The following DBF4 variants were observed in gnomAD, a reference collection of about 807,000 sequenced individuals.
DBF4 encodes the protein DBF4-CDC7 kinase regulatory subunit, also known as protein DBF4 homolog A.
DBF4 carries 25 observed loss-of-function variants against 76.6 expected under a neutral mutation model. The ratio of observed to expected loss-of-function variants is 0.33; its 90% confidence interval spans 0.24 to 0.46. The LOEUF is 0.46. Among genes scored for constraint, DBF4 ranks in the 20% least tolerant of loss-of-function variants. The pLI is 1.00. For missense variants in DBF4, 638 were observed against 760.8 expected (o/e 0.84, Z 1.90); for synonymous variants, 213 against 258.0 (o/e 0.83, Z 1.67).
chr7:87,885,490 A>ACC (rs1364185793), intron 3 of DBF4, among the ~76,000 whole-genome samples: 1 of 152,260 alleles, frequency 6.6e-6, no homozygotes, highest in Non-Finnish European at 1.5e-5. Context: ...AGCAGGGGTC[A>ACC]GCAAACTCTG....
At chr7:87,882,869 A>G (rs1413724152) in intron 2 of DBF4, among the ~76,000 whole-genome samples, 1 of 152,180 alleles carries the variant, frequency 6.6e-6, no homozygotes, top group Admixed American at 6.5e-5. Context: ...GTAACACGAT[A>G]TAGCCACCAT....
At chr7:87,891,627 C>T (rs1015998221) in intron 6 of DBF4, among the ~76,000 whole-genome samples, 1 of 152,024 alleles carries the variant, frequency 6.6e-6, no homozygotes, top group African/African-American at 2.4e-5. Flanking sequence ...TAATAATGTC[C>T]CCTCTTCCAT....
At chr7:87,896,394 C>T (rs1839639227) in intron 6 of DBF4, 80 bp from the exon 7 acceptor site, 1 of 1,074,174 alleles carries the variant, frequency 9.3e-7, no homozygotes, top group South Asian at 1.4e-5. Context: ...ATTTTTTTAT[C>T]TTGAAGATAC....
intron 3 of DBF4, 119 bp from the exon 4 acceptor site, chr7:87,886,725 C>A: frequency 3.1e-6 from 2 of 652,988 alleles, no homozygotes; most frequent in South Asian, 1.9e-5. Flanking sequence ...AAGAGGTCAC[C>A]CAAAAAAGAG....
intron 2 of DBF4, among the ~76,000 whole-genome samples, chr7:87,878,938 ATTTATT>A (rs1166061362): frequency 6.6e-6 from 1 of 152,000 alleles, no homozygotes; most frequent in Non-Finnish European, 1.5e-5. Context: ...TAACTTTTCA[ATTTATT>A]TTTATTTTTA....
intron 3 of DBF4, 139 bp downstream of exon 3, chr7:87,885,297 A>G (rs751822017): frequency 8.0e-5 from 51 of 637,724 alleles, no homozygotes; most frequent in South Asian, 3.2e-4. Context: ...TCTAGTCCTC[A>G]ATAAAGTTGC....
intron 6 of DBF4, among the ~76,000 whole-genome samples, chr7:87,892,251 C>G (rs577004033): frequency 2.6e-5 from 4 of 152,318 alleles, no homozygotes; most frequent in Admixed American, 1.3e-4. Context: ...GTTTATCCCC[C>G]CATTCCCTTA....
chr7:87,888,192 A>T, intron 6 of DBF4, 133 bp downstream of exon 6: 1 of 1,273,098 alleles, frequency 7.9e-7, no homozygotes, highest in South Asian at 2.1e-5. Context: ...CTGTTATTCA[A>T]ATAAATCGAG....
At chr7:87,883,242 T>G (rs1426289567) in intron 2 of DBF4, among the ~76,000 whole-genome samples, 1 of 151,984 alleles carries the variant, frequency 6.6e-6, no homozygotes, top group Non-Finnish European at 1.5e-5. Context: ...AGATGGAAAG[T>G]AGAATAAAGG....
At chr7:87,893,835 CA>C (rs537323591) in intron 6 of DBF4, among the ~76,000 whole-genome samples, 68 of 152,042 alleles carry the variant, frequency 4.5e-4, no homozygotes, top group African/African-American at 1.6e-3. Flanking sequence ...TTAGGTCTAC[CA>C]TCTTACTGTT....
At chr7:87,901,260 G>A (rs1362002033) in intron 10 of DBF4, among the ~76,000 whole-genome samples, 1 of 152,130 alleles carries the variant, frequency 6.6e-6, no homozygotes, top group African/African-American at 2.4e-5. Flanking sequence ...GCCTAGACAA[G>A]GAACACATAA....
In DBF4 at chr7:87,889,906, T is replaced by C. The variant is rs183201845; in HGVS notation, c.597+1847T>C. 2.2e-3 allele frequency among the ~76,000 whole-genome samples: 332 copies of C among 152,312 alleles called. 1 individual carries two copies. Among genetic ancestry groups the C allele is most frequent in the Non-Finnish European group, 3.9e-3 (266 of 68,022 alleles). ...AAAAATTTAAATGACTATTTCCAAA[T>C]TTTCACAAAATATAAGTGGATATTC... On this transcript the variant is annotated intron_variant, in intron 6 of 11. Coordinates refer to ENST00000265728, the MANE Select transcript of DBF4 (RefSeq NM_006716.4).
At chr7:87,892,118 A>G (rs186113714) in intron 6 of DBF4, among the ~76,000 whole-genome samples, 1 of 152,376 alleles carries the variant, frequency 6.6e-6, no homozygotes, top group Admixed American at 6.5e-5. Context: ...CAAAGTTCAT[A>G]GTTCACATTT....
At chr7:87,900,087 A>T (rs1240277593) in intron 8 of DBF4, 134 bp from the exon 9 acceptor site, 1 of 766,352 alleles carries the variant, frequency 1.3e-6, no homozygotes, top group East Asian at 3.0e-5. Flanking sequence ...CCTGAAATTG[A>T]TTTTTTGAAG....
At chr7:87,890,967 C>T (rs990424025) in intron 6 of DBF4, among the ~76,000 whole-genome samples, 7 of 152,058 alleles carry the variant, frequency 4.6e-5, no homozygotes, top group Admixed American at 4.6e-4. Context: ...AGGAATGTTT[C>T]TGGAAAATTT....
rs1839039593 is a variant in DBF4, at chr7:87,876,545, G to A, written c.-188G>A. ...TTTGTGCTTTGCGCCTTCCTCCTCC[G>A]CGCCTTGGAGCCGGATCCGGCCCCG... On this transcript the variant is annotated 5_prime_UTR_variant, in exon 1 of 12. Coordinates refer to ENST00000265728, the MANE Select transcript of DBF4 (RefSeq NM_006716.4). The A allele has an allele frequency of 6.4e-6, 4 of 623,378 alleles. No homozygotes were observed. Among genetic ancestry groups the A allele is most frequent in the Non-Finnish European group, 1.1e-5 (4 of 352,430 alleles). 38.6% of individuals were successfully genotyped at this position (623,378 alleles called of 1,614,324 possible). A position where few individuals can be genotyped will look rare whatever the true frequency, so the allele number is the denominator to read the frequency against.
Position 87,909,411 on chromosome 7 carries a change from AC to A in DBF4, c.*1249del, listed in dbSNP as rs1483511070. The A allele has an allele frequency of 6.6e-6, 1 of 152,180 alleles. No homozygotes were observed. The highest frequency in any genetic ancestry group is 1.5e-5 in the Non-Finnish European group (1 of 68,026). 9.4% of individuals were successfully genotyped at this position (152,180 alleles called of 1,614,324 possible). On this transcript the variant is annotated 3_prime_UTR_variant, in exon 12 of 12. Transcript: ENST00000265728. ...TGAAATATATGATTCTCAGTACAGG[AC>A]TAATTCATATGCTTTTCCTGCATAC...
At chr7:87,896,418 T>C (rs1839639869) in intron 6 of DBF4, 56 bp from the exon 7 acceptor site, 8 of 1,388,708 alleles carry the variant, frequency 5.8e-6, no homozygotes, top group Non-Finnish European at 8.1e-6. Context: ...GCAATTGCAG[T>C]TGCTGTTTTA....
In DBF4 at chr7:87,878,083, G is replaced by C. The variant is rs1342257721; in HGVS notation, c.77G>C (p.Arg26Thr). The C allele has an allele frequency of 6.2e-7, 1 of 1,605,638 alleles. No homozygotes were observed. The highest frequency in any genetic ancestry group is 2.2e-5 in the East Asian group (1 of 44,660). Residue 26 changes from arginine (R) to threonine (T), a missense_variant, in exon 2 of 12, where the codon AGA becomes ACA. By Grantham distance (71) the Arg-to-Thr change is moderately conservative. Coordinates refer to ENST00000265728, the MANE Select transcript of DBF4 (RefSeq NM_006716.4). ...ATCCAAGTCAAAAATGAAAAAAACA[G>C]ACCATCTCTGAAATCTCTGAAAACT... ...GGIQVKNEKN[R>T]PSLKSLKTDN...
Sources: gnomAD v4.1 joint callset for allele counts (sites outside exome capture counted in the v4.1 genomes callset) on GRCh38, gnomAD v4.1.1 for gene constraint, MANE v1.5 for transcripts, NCBI Gene and HGNC (gene_info 2026-07-23, HGNC 2026-07-21) for gene names.